The following FLG variants were observed in gnomAD, a reference collection of about 807,000 sequenced individuals.
The protein encoded by FLG is epidermal filaggrin.
A neutral mutation model predicts 3.8 loss-of-function variants in FLG; 6 were observed. That is an observed-to-expected ratio of 1.60 (90% confidence interval 0.87 to 3.15). The LOEUF (loss-of-function observed/expected upper bound fraction) is 3.15. FLG is among the 30% of genes most tolerant of loss of function. The pLI, the probability that FLG is intolerant of heterozygous loss-of-function variation, is 0.00. For synonymous variants in FLG, 2,551 were observed against 1,931.6 expected (o/e 1.32, Z -8.41); for missense variants, 7,595 against 5,050.9 (o/e 1.50, Z -15.27).
Position 152,310,016 on chromosome 1 carries a change from C to G in FLG, c.4870G>C (p.Glu1624Gln), listed in dbSNP as rs771190348. The G allele has an allele frequency of 3.1e-6, 5 of 1,613,734 alleles. No individual in the cohort carries two copies. The East Asian group carries it at 6.7e-5, about 22-fold the overall frequency. The change falls in exon 3 of 3, where the codon GAG becomes CAG. Residue 1624 changes from glutamate to glutamine, a missense_variant. Physicochemically the swap from Glu to Gln is conservative, Grantham distance 29. Transcript: ENST00000368799. The part of the protein sequence containing the change: ...ASRNHYGSAR[E>Q]QSRHGSRNPR... ...TTCCTGGAGCCATGTCTTGACTGCT[C>G]CCGAGCAGATCCATAATGGTTTCTG...
At position 152,308,241 on chromosome 1, in the gene FLG, A is replaced by C. The variant is rs1272957163; in HGVS notation, c.6645T>G (p.Ser2215=). 3 of 1,613,990 alleles carry C rather than the reference A, an allele frequency of 1.9e-6. No homozygotes were observed. The highest frequency in any genetic ancestry group is 3.3e-5 in the Admixed American group (2 of 60,014). The change falls in exon 3 of 3, where the codon TCT becomes TCG. Residue 2215 remains serine, a synonymous_variant. Transcript: ENST00000368799. ...HSGSHHHEAS[S]WADSSRHSLV... ...GTGAGTGTCTAGAGCTGTCGGCCCA[A>C]GAGGAAGCTTCATGATGATGCGACC... is the stretch of plus-strand genomic sequence containing the variant.
At position 152,309,150 on chromosome 1, in the gene FLG, C is replaced by T. The variant is rs1035180452; in HGVS notation, c.5736G>A (p.Arg1912=). Residue 1912 remains arginine, a synonymous_variant, in exon 3 of 3, where the codon AGG becomes AGA. Coordinates refer to ENST00000368799, the MANE Select transcript of FLG (RefSeq NM_002016.2). The part of the protein sequence containing the change: ...QGQSSGPRTS[R]NQGSSVSQDS... ...CCTGGCTAACACTGGATCCCTGGTT[C>T]CTGCTTGTCCTGGGCCCTGATGATT... 1.2e-5 allele frequency: 20 copies of T among 1,613,576 alleles called. No homozygotes were observed. Among genetic ancestry groups the T allele is most frequent in the Admixed American group, 3.3e-5 (2 of 59,996 alleles).
At chr1:152,317,061 G>C (rs932129826) in intron 1 of FLG, among the ~76,000 whole-genome samples, 4 of 152,058 alleles carry the variant, frequency 2.6e-5, no homozygotes, top group African/African-American at 7.2e-5. Flanking sequence ...GTAATAAACA[G>C]TCTGTGCTCC....
In FLG at chr1:152,306,381, T is replaced by C. The variant is rs1651969664; in HGVS notation, c.8505A>G (p.Arg2835=). ...CATTACGTGTTGTTCTGCTTGCACT[T>C]CTGGATCCTGACTGCCCACGGGAGG... ...SDASRGQSGS[R]SASRTTRNEE... is the part of the protein sequence containing the mutation. The change falls in exon 3 of 3, where the codon AGA becomes AGG. Residue 2835 remains arginine (R), a synonymous_variant. Coordinates refer to ENST00000368799, the MANE Select transcript of FLG (RefSeq NM_002016.2). 1 of 1,602,704 alleles carries C rather than the reference T, an allele frequency of 6.2e-7. No individual in the cohort carries two copies. The highest frequency in any genetic ancestry group is 1.6e-5 in the African/African-American group (1 of 64,260).
rs776467285 is a variant in FLG at position 152,305,230 on chromosome 1, C to T, written c.9656G>A (p.Ser3219Asn). Residue 3219 changes from serine to asparagine, a missense_variant, in exon 3 of 3, where the codon AGT becomes AAT. Transcript: ENST00000368799. ...GTCTTCTGAATGTCCCTCACTGTCA[C>T]TGTCCTGGCTCACACTGGATCCCTG... Reference protein sequence around the residue: ...RRQGSSVSQDSDSEGHSEDSE... With the variant: ...RRQGSSVSQDNDSEGHSEDSE... The T allele has an allele frequency of 6.2e-7, 1 of 1,613,334 alleles. No homozygotes were observed. The highest frequency in any genetic ancestry group is 1.3e-5 in the African/African-American group (1 of 74,848).
intron 1 of FLG, 116 bp from the exon 2 acceptor site, chr1:152,315,593 G>C: frequency 1.4e-6 from 1 of 739,482 alleles, no homozygotes; most frequent in African/African-American, 1.8e-5. Flanking sequence ...CCATCTTTAA[G>C]AATGGAAGAT....
Position 152,309,437 on chromosome 1 carries a change from G to C in FLG, c.5449C>G (p.Pro1817Ala). 1.9e-6 allele frequency: 3 copies of C among 1,612,770 alleles called. No individual in the cohort carries two copies. The highest frequency in any genetic ancestry group is 2.5e-6 in the Non-Finnish European group (3 of 1,179,800). The stretch of plus-strand genomic sequence containing the variant: ...TGCCTTCCTCCTCTGCTTGACCCTG[G>C]GTGTCCACGAATGGTGTCCTGACCC... ...QEGQDTIRGH[P>A]GSSRGGRQGS... The change falls in exon 3 of 3, where the codon CCA (proline) becomes GCA (alanine). Residue 1817 changes from proline (P) to alanine (A), a missense_variant. Coordinates refer to ENST00000368799, the MANE Select transcript of FLG (RefSeq NM_002016.2).
At position 152,311,115 on chromosome 1, in the gene FLG, T is replaced by A. The variant is rs375266160; in HGVS notation, c.3771A>T (p.Ser1257=). The change falls in exon 3 of 3, where the codon TCA becomes TCT. Residue 1257 remains serine (S), a synonymous_variant. Transcript: ENST00000368799. ...GGTGCCTGCTTGTCCTGGACCCCGATGATTGTTCCTGTCCCACCTGTGAGT... is the reference window on the plus strand; with the variant it reads ...GGTGCCTGCTTGTCCTGGACCCCGAAGATTGTTCCTGTCCCACCTGTGAGT... ...SRHSQVGQEQ[S]SGSRTSRHQG... is the part of the protein sequence containing the mutation. The A allele has an allele frequency of 5.0e-6, 8 of 1,613,840 alleles. No individual in the cohort carries two copies. Among genetic ancestry groups the A allele is most frequent in the Non-Finnish European group, 6.8e-6 (8 of 1,179,966 alleles).
chr1:152,303,423 G>A lies in FLG; in HGVS notation c.11463C>T (p.Asp3821=), dbSNP rs149624484. ...RETRNEEQSG[D]GSRHSGSRHH... is the part of the protein sequence containing the mutation. The stretch of plus-strand genomic sequence containing the variant: ...GACGCGACCCTGAGTGCCTGGAGCC[G>A]TCTCCTGACTGTTCCTCATTACGTG... The change falls in exon 3 of 3, where the codon GAC becomes GAT. Residue 3821 remains aspartate, a synonymous_variant. Coordinates refer to ENST00000368799, the MANE Select transcript of FLG (RefSeq NM_002016.2). 1,253 of 1,614,002 alleles carry A rather than the reference G, an allele frequency of 7.8e-4. 7 individuals are homozygous for A. The African/African-American group carries it at 0.014, about 19-fold the overall frequency.
In FLG at chr1:152,312,245, C is replaced by T; in HGVS notation, c.2641G>A (p.Asp881Asn). ...HSHTTSQGRSDASRGQSGSRS... is the reference protein window; with the variant it reads ...HSHTTSQGRSNASRGQSGSRS... ...GATCCTGACTGCCCACGGGAGGCAT[C>T]AGACCTTCCCTGGGATGTGGTGTGG... Residue 881 changes from aspartate to asparagine, a missense_variant, in exon 3 of 3, where the codon GAT becomes AAT. Transcript: ENST00000368799. The T allele has an allele frequency of 6.2e-7, 1 of 1,613,946 alleles. No individual in the cohort carries two copies.
In FLG at chr1:152,311,207, C is replaced by T. The variant is rs760354218; in HGVS notation, c.3679G>A (p.Gly1227Arg). 21 of 1,613,052 alleles carry T rather than the reference C, an allele frequency of 1.3e-5. No homozygotes were observed. The highest frequency in any genetic ancestry group is 5.4e-5 in the African/African-American group (4 of 74,580). ...SRQTRKDKQS[G>R]DGSRHSGSRH... ...GACCCTGAGTGCCTGGAGCCGTCTC[C>T]TGATTGTTTGTCCTTACGAGTTTGT... The change falls in exon 3 of 3, where the codon GGA (glycine) becomes AGA (arginine). Residue 1227 changes from glycine (G) to arginine (R), a missense_variant. Coordinates refer to ENST00000368799, the MANE Select transcript of FLG (RefSeq NM_002016.2).
At position 152,304,750 on chromosome 1, in the gene FLG, C is replaced by T; in HGVS notation, c.10136G>A (p.Arg3379Lys). 3 of 1,612,932 alleles carry T rather than the reference C, an allele frequency of 1.9e-6. No individual in the cohort carries two copies. The highest frequency in any genetic ancestry group is 1.7e-5 in the Admixed American group (1 of 59,900). The change falls in exon 3 of 3, where the codon AGG (arginine) becomes AAG (lysine). Residue 3379 changes from arginine to lysine, a missense_variant. By Grantham distance (26) the Arg-to-Lys change is conservative. Coordinates refer to ENST00000368799, the MANE Select transcript of FLG (RefSeq NM_002016.2). ...QESARDRSGG[R>K]SGRSGSFLYQ... ...GAGGAAAGACCCTGAACGTCCAGAC[C>T]TTCCCCCTGACCGGTCACGTGCGGA...
At position 152,304,772 on chromosome 1, in the gene FLG, C is replaced by A; in HGVS notation, c.10114G>T (p.Ala3372Ser). The A allele has an allele frequency of 6.2e-7, 1 of 1,613,346 alleles. No individual in the cohort carries two copies. The highest frequency in any genetic ancestry group is 8.5e-7 in the Non-Finnish European group (1 of 1,179,588). ...GPHQQSHQES[A>S]RDRSGGRSGR... ...GACCTTCCCCCTGACCGGTCACGTG[C>A]GGACTCTTGGTGGCTCTGCTGATGG... Residue 3372 changes from alanine to serine, a missense_variant, in exon 3 of 3, where the codon GCA becomes TCA. Physicochemically the swap from Ala to Ser is moderately conservative, Grantham distance 99 (BLOSUM62 1). Coordinates refer to ENST00000368799, the MANE Select transcript of FLG (RefSeq NM_002016.2).
chr1:152,323,401 A>G (rs1653042757), intron 1 of FLG, among the ~76,000 whole-genome samples: 1 of 151,828 alleles, frequency 6.6e-6, no homozygotes, highest in South Asian at 2.1e-4. Context: ...CATTTAACCA[A>G]TAAAGGAATC....
In FLG at chr1:152,304,833, G is replaced by A. The variant is rs34687484; in HGVS notation, c.10053C>T (p.Asp3351=). The change falls in exon 3 of 3, where the codon GAC becomes GAT. Residue 3351 remains aspartate, a synonymous_variant. Transcript: ENST00000368799. ...SDSEGHSEES[D]TQSVSGHGQA... The stretch of plus-strand genomic sequence containing the variant: ...GTCCATGGCCTGACACTGACTGTGT[G>A]TCTGACTCTTCTGAATGTCCCTCAC... 7,371 of 1,613,790 alleles carry A rather than the reference G, an allele frequency of 4.6e-3. 53 individuals carry two copies. The highest frequency in any genetic ancestry group is 9.6e-3 in the Middle Eastern group (58 of 6,060).
intron 1 of FLG, among the ~76,000 whole-genome samples, chr1:152,319,880 A>G (rs1322931750): frequency 6.6e-6 from 1 of 151,446 alleles, no homozygotes; most frequent in Non-Finnish European, 1.5e-5. Context: ...GAAAGAGCAT[A>G]TGTGTGGAAA....
rs1652272272 is a variant in FLG at position 152,309,924 on chromosome 1, GC to G, written c.4961del (p.Gly1654AlafsTer52). On this transcript the variant is annotated frameshift_variant, in exon 3 of 3. Coordinates refer to ENST00000368799, the MANE Select transcript of FLG (RefSeq NM_002016.2). LOFTEE classifies it low-confidence loss of function (END_TRUNC). ...GHSAESSRQS[G>X]TRHAETSSGG... ...CAGAGGAAGTCTCTGCATGACGAGTGCCTGATTGTCTGGAGCTCTCTGCAGA... is the reference window on the plus strand; with the variant it reads ...CAGAGGAAGTCTCTGCATGACGAGTGCTGATTGTCTGGAGCTCTCTGCAGA... 1 of 1,613,996 alleles carries G rather than the reference GC, an allele frequency of 6.2e-7. No homozygotes were observed. The highest frequency in any genetic ancestry group is 8.5e-7 in the Non-Finnish European group (1 of 1,180,026).
chr1:152,308,032 T>C lies in FLG; in HGVS notation c.6854A>G (p.His2285Arg), dbSNP rs745636181. Reference sequence around the variant, plus strand: ...CCCATGACCGGCTCTGTCTTCGTGATGGGACCTGGGGTGTCTGGAGCCATC... The same window carrying C: ...CCCATGACCGGCTCTGTCTTCGTGACGGGACCTGGGGTGTCTGGAGCCATC... ...SRDGSRHPRSHHEDRAGHGHS... is the reference protein window; with the variant it reads ...SRDGSRHPRSRHEDRAGHGHS... Residue 2285 changes from histidine to arginine, a missense_variant, in exon 3 of 3, where the codon CAT (histidine) becomes CGT (arginine). Coordinates refer to ENST00000368799, the MANE Select transcript of FLG (RefSeq NM_002016.2). 6.8e-6 allele frequency: 11 copies of C among 1,614,200 alleles called. No homozygotes were observed.
Position 152,311,514 on chromosome 1 carries a change from A to T in FLG, c.3372T>A (p.His1124Gln), listed in dbSNP as rs145831892. The T allele has an allele frequency of 2.0e-4, 322 of 1,613,512 alleles. 1 individual carries two copies. Among genetic ancestry groups the T allele is most frequent in the Non-Finnish European group, 2.7e-4 (313 of 1,179,954 alleles). ...SGSFIYQVST[H>Q]EQSESAHGRT... ...GCCCATGGGCAGACTCAGACTGTTC[A>T]TGAGTGCTCACCTGGTAGATGAAAG... The change falls in exon 3 of 3, where the codon CAT becomes CAA. Residue 1124 changes from histidine to glutamine, a missense_variant. His to Gln is a conservative substitution (Grantham distance 24). Coordinates refer to ENST00000368799, the MANE Select transcript of FLG (RefSeq NM_002016.2).
Sources: gnomAD v4.1 joint callset for allele counts (sites outside exome capture counted in the v4.1 genomes callset) on GRCh38, gnomAD v4.1.1 for gene constraint, MANE v1.5 for transcripts, NCBI Gene and HGNC (gene_info 2026-07-23, HGNC 2026-07-21) for gene names.